The following STAT3 variants were observed in gnomAD, a reference collection of about 807,000 sequenced individuals.
STAT3 encodes the protein DNA-binding protein APRF.
In STAT3, 7 loss-of-function variants were observed where a neutral mutation model predicts 114.3. The observed-to-expected ratio is 0.06, with a 90% CI of 0.03 to 0.11. The LOEUF is 0.11. Ranked by LOEUF, STAT3 falls within the 10% of genes least tolerant of loss-of-function variation. STAT3 has a pLI of 1.00. For missense variants in STAT3, 364 were observed against 960.9 expected (o/e 0.38, Z 8.21); for synonymous variants, 331 against 354.5 (o/e 0.93, Z 0.74).
In STAT3 at chr17:42,348,214, G is replaced by A. The variant is rs1444463520; in HGVS notation, c.128+175C>T. Among the ~76,000 whole-genome samples, 3 of 152,148 alleles carry A rather than the reference G, an allele frequency of 2.0e-5. No individual in the cohort carries two copies. In the East Asian group the frequency reaches 5.8e-4, roughly 29 times the overall value. ...GACAGTTGCCCACATGCCCTTCTAA[G>A]ATAAAAAAGGCTTTACAAGACCAAA... is the stretch of plus-strand genomic sequence containing the variant. On this transcript the variant is annotated intron_variant, in intron 2 of 23. Transcript: ENST00000264657.
rs551868761 is a variant in STAT3, at chr17:42,340,727, C to T, written c.373-1318G>A. ...GAAGTTTTGGGAAGGTGACCCATGC[C>T]CCTACTTCTTCCCACAGTGACAGTG... On this transcript the variant is annotated intron_variant, in intron 4 of 23. Transcript: ENST00000264657. Among the ~76,000 whole-genome samples the T allele has an allele frequency of 2.0e-5, 3 of 152,154 alleles. No homozygotes were observed. The South Asian group carries it at 6.2e-4, about 32-fold the overall frequency.
chr17:42,367,041 T>C (rs1247027986), intron 1 of STAT3, among the ~76,000 whole-genome samples: 1 of 152,050 alleles, frequency 6.6e-6, no homozygotes, highest in Non-Finnish European at 1.5e-5. Flanking sequence ...CTCGGGAGGC[T>C]GAGGCAGGAG....
intron 2 of STAT3, among the ~76,000 whole-genome samples, chr17:42,347,506 G>GA (rs1310419260): frequency 6.6e-6 from 1 of 152,160 alleles, no homozygotes; most frequent in Non-Finnish European, 1.5e-5. Flanking sequence ...TTAAAGTGAA[G>GA]AAAATAGTTG....
intron 15 of STAT3, 68 bp from the exon 16 acceptor site, chr17:42,325,129 C>A: frequency 6.9e-7 from 1 of 1,448,758 alleles, no homozygotes. Flanking sequence ...ATCTCTTCAC[C>A]CGCATCTCAC....
chr17:42,332,443 C>A (rs8080551), intron 10 of STAT3, among the ~76,000 whole-genome samples: 10,689 of 140,088 alleles, frequency 0.076, 1,321 homozygotes, highest in African/African-American at 0.27. Context: ...GAGGCTGAGG[C>A]AGGAGAATCA....
chr17:42,334,329 G>A (rs879558538), intron 8 of STAT3, among the ~76,000 whole-genome samples: 1 of 151,964 alleles, frequency 6.6e-6, no homozygotes, highest in Non-Finnish European at 1.5e-5. Context: ...TTTTTGAGCT[G>A]GAGTGCAGTG....
At chr17:42,360,793 T>G (rs1425950538) in intron 1 of STAT3, among the ~76,000 whole-genome samples, 2 of 152,178 alleles carry the variant, frequency 1.3e-5, no homozygotes, top group African/African-American at 4.8e-5. Flanking sequence ...GACCCACATC[T>G]GGATGCTATT....
In STAT3 at chr17:42,326,899, A is replaced by T. The variant is rs1033757000; in HGVS notation, c.1282-700T>A. 4.6e-5 allele frequency among the ~76,000 whole-genome samples: 7 copies of T among 152,184 alleles called. No individual in the cohort carries two copies. The East Asian group carries it at 1.2e-3, about 25-fold the overall frequency. The stretch of plus-strand genomic sequence containing the variant: ...GCATTCAGTACTAACAGCCACAGCC[A>T]AGGAAAGTGACATGCCAAGCCTCAC... On this transcript the variant is annotated intron_variant, in intron 14 of 23. Transcript: ENST00000264657.
intron 1 of STAT3, chr17:42,374,086 T>C (rs2084319091): frequency 1.3e-5 from 2 of 152,160 alleles, no homozygotes; most frequent in Admixed American, 1.3e-4. Flanking sequence ...TTTTGCATGA[T>C]GTAACCACTC....
At chr17:42,358,190 G>C (rs955168639) in intron 1 of STAT3, among the ~76,000 whole-genome samples, 1 of 152,100 alleles carries the variant, frequency 6.6e-6, no homozygotes, top group Non-Finnish European at 1.5e-5. Context: ...AGGTGGAAGA[G>C]GGATTGCTTG....
At chr17:42,363,131 G>A (rs1401531037) in intron 1 of STAT3, among the ~76,000 whole-genome samples, 2 of 152,142 alleles carry the variant, frequency 1.3e-5, no homozygotes, top group African/African-American at 2.4e-5. Flanking sequence ...ATGAATGAAC[G>A]ACTGGAGTGA....
chr17:42,328,669 A>G (rs1412685480), intron 14 of STAT3, among the ~76,000 whole-genome samples: 3 of 152,232 alleles, frequency 2.0e-5, no homozygotes, highest in East Asian at 1.9e-4. Context: ...TGGCATCCCA[A>G]AGTACGGGGT....
chr17:42,331,567 A>G, intron 10 of STAT3, 36 bp from the exon 11 acceptor site: 1 of 1,532,154 alleles, frequency 6.5e-7, no homozygotes, highest in South Asian at 1.1e-5. Flanking sequence ...AAAAAAAGTC[A>G]GTAACTCTCC....
At chr17:42,362,552 T>G (rs1235306459) in intron 1 of STAT3, among the ~76,000 whole-genome samples, 1 of 152,226 alleles carries the variant, frequency 6.6e-6, no homozygotes, top group Non-Finnish European at 1.5e-5. Flanking sequence ...TTTGTTATCT[T>G]AAGGCAGAAT....
intron 1 of STAT3, among the ~76,000 whole-genome samples, chr17:42,372,347 T>C (rs1434866028): frequency 2.0e-5 from 3 of 152,146 alleles, no homozygotes; most frequent in African/African-American, 7.2e-5. Flanking sequence ...ATGTGGTATA[T>C]CCATACAATA....
chr17:42,384,325 T>A (rs2145403372), intron 1 of STAT3, among the ~76,000 whole-genome samples: 1 of 151,682 alleles, frequency 6.6e-6, no homozygotes, highest in East Asian at 1.9e-4. Flanking sequence ...AGAGATGGGG[T>A]TTCACCGTGT....
At chr17:42,377,215 C>A (rs1213640383) in intron 1 of STAT3, among the ~76,000 whole-genome samples, 5 of 152,094 alleles carry the variant, frequency 3.3e-5, no homozygotes, top group Non-Finnish European at 7.4e-5. Flanking sequence ...TATGCATAGC[C>A]TAGAATACTA....
Position 42,348,402 on chromosome 17 carries a change from C to A in STAT3, c.115G>T (p.Glu39Ter). ...ELRQFLAPWIESQDWAYAASK... is the reference protein window; with the variant it reads ...ELRQFLAPWI ...AGAAGGACTTACCAATCTTGACTCT[C>A]AATCCAAGGGGCCAGAAACTGCCGC... Residue 39 changes from glutamate to a stop codon, truncating the protein, a stop_gained, in exon 2 of 24, where the codon GAG becomes TAG. Coordinates refer to ENST00000264657, the MANE Select transcript of STAT3 (RefSeq NM_139276.3). LOFTEE classifies it high-confidence loss of function. 1 of 1,614,100 alleles carries A rather than the reference C, an allele frequency of 6.2e-7. No individual in the cohort carries two copies.
chr17:42,378,777 C>CT (rs1567758918), intron 1 of STAT3, among the ~76,000 whole-genome samples: 2 of 152,082 alleles, frequency 1.3e-5, no homozygotes, highest in African/African-American at 4.8e-5. Context: ...ATTTACACAG[C>CT]TAACATTTGG....
Sources: gnomAD v4.1 joint callset for allele counts (sites outside exome capture counted in the v4.1 genomes callset) on GRCh38, gnomAD v4.1.1 for gene constraint, MANE v1.5 for transcripts, NCBI Gene and HGNC (gene_info 2026-07-23, HGNC 2026-07-21) for gene names.